Variants in DKK2 observed in about 807,000 individuals in gnomAD.
DKK2 encodes the protein dickkopf Wnt signaling pathway inhibitor 2.
Under a neutral mutation model 28.1 loss-of-function variants are expected in DKK2, and 11 were observed. The observed-to-expected ratio is 0.39, with a 90% CI of 0.25 to 0.65. The LOEUF is 0.65. DKK2 is among the 30% of genes least tolerant of loss of function. DKK2 has a pLI of 0.47. For synonymous variants in DKK2, 135 were observed against 126.5 expected (o/e 1.07, Z -0.45); for missense variants, 326 against 335.5 (o/e 0.97, Z 0.22).
intron 1 of DKK2, among the ~76,000 whole-genome samples, chr4:106,966,013 G>A (rs927007950): frequency 7.9e-5 from 12 of 151,654 alleles, no homozygotes; most frequent in Non-Finnish European, 1.5e-4. Context: ...CATTTGGGTT[G>A]GTTCCAAGTC....
chr4:107,023,434 A>C (rs1191950013), intron 1 of DKK2, among the ~76,000 whole-genome samples: 1 of 152,118 alleles, frequency 6.6e-6, no homozygotes, highest in Non-Finnish European at 1.5e-5. Context: ...ATCCTGGATG[A>C]GACAAAACTA....
chr4:106,927,685 C>G (rs1489214150), intron 1 of DKK2, among the ~76,000 whole-genome samples: 1 of 151,974 alleles, frequency 6.6e-6, no homozygotes, highest in Non-Finnish European at 1.5e-5. Context: ...GAAAACAAAA[C>G]AAATATCCCT....
intron 1 of DKK2, among the ~76,000 whole-genome samples, chr4:106,959,880 T>A (rs190221308): frequency 8.2e-4 from 124 of 152,112 alleles, no homozygotes; most frequent in African/African-American, 2.9e-3. Flanking sequence ...TCAGAGTTTG[T>A]TCAAGATATC....
intron 1 of DKK2, among the ~76,000 whole-genome samples, chr4:106,983,377 A>AAGAAAG: frequency 1.0e-5 from 1 of 98,554 alleles, no homozygotes; most frequent in Non-Finnish European, 2.0e-5. Context: ...AGAAGAAAGA[A>AAGAAAG]AAGAAAGAAA....
Position 107,030,163 on chromosome 4 carries a change from T to C in DKK2, c.222+5207A>G, listed in dbSNP as rs903690090. ...TGCTTTAAAGTTTTCTTTGATTAAA[T>C]TTGCCATTACAAAGAAAAGAACCTA... On this transcript the variant is annotated intron_variant, in intron 1 of 3. Coordinates refer to ENST00000285311, the MANE Select transcript of DKK2 (RefSeq NM_014421.3). 2.0e-5 allele frequency among the ~76,000 whole-genome samples: 3 copies of C among 152,082 alleles called. No individual in the cohort carries two copies. The East Asian group carries it at 5.8e-4, about 29-fold the overall frequency.
At chr4:106,941,076 T>C (rs1033257948) in intron 1 of DKK2, among the ~76,000 whole-genome samples, 4 of 151,808 alleles carry the variant, frequency 2.6e-5, no homozygotes, top group African/African-American at 9.7e-5. Context: ...ACCTGCACAA[T>C]GTGCACATGT....
chr4:107,007,671 G>T (rs958495690), intron 1 of DKK2, among the ~76,000 whole-genome samples: 1 of 152,058 alleles, frequency 6.6e-6, no homozygotes, highest in Admixed American at 6.6e-5. Flanking sequence ...AAGTGCAGTG[G>T]ATATCAGTGT....
Position 106,925,958 on chromosome 4 carries a change from A to G in DKK2, c.223-9T>C, listed in dbSNP as rs1724419070. Reference sequence around the variant, plus strand: ...CTGCTACAAGGGTAGGCCTGTCATCAAGTGGAACAACACCAGAAGTAAAGG... The same window carrying G: ...CTGCTACAAGGGTAGGCCTGTCATCGAGTGGAACAACACCAGAAGTAAAGG... On this transcript the variant is annotated splice_polypyrimidine_tract_variant and intron_variant, in intron 1 of 3. Transcript: ENST00000285311. 1 of 1,596,286 alleles carries G rather than the reference A, an allele frequency of 6.3e-7. No homozygotes were observed. Among genetic ancestry groups the G allele is most frequent in the African/African-American group, 1.4e-5 (1 of 73,596 alleles).
At chr4:106,995,781 T>G (rs1466146185) in intron 1 of DKK2, among the ~76,000 whole-genome samples, 1 of 152,080 alleles carries the variant, frequency 6.6e-6, no homozygotes, top group Non-Finnish European at 1.5e-5. Context: ...CCAGGCTAAT[T>G]TTTGTATTTT....
intron 1 of DKK2, among the ~76,000 whole-genome samples, chr4:106,959,018 A>G (rs933586171): frequency 8.6e-5 from 13 of 152,012 alleles, no homozygotes; most frequent in African/African-American, 3.1e-4. Flanking sequence ...AAGAAAGGTT[A>G]ATATATGAAT....
At chr4:106,994,475 C>T (rs993947215) in intron 1 of DKK2, among the ~76,000 whole-genome samples, 1 of 144,970 alleles carries the variant, frequency 6.9e-6, no homozygotes, top group African/African-American at 2.6e-5. Flanking sequence ...CTCTCTCTCA[C>T]ACACACACAT....
At chr4:106,937,450 C>T in intron 1 of DKK2, among the ~76,000 whole-genome samples, 1 of 126,834 alleles carries the variant, frequency 7.9e-6, no homozygotes, top group Non-Finnish European at 1.6e-5. Flanking sequence ...AATACAGGAG[C>T]ACCAAGATTC....
At chr4:106,965,680 G>C (rs1722768230) in intron 1 of DKK2, among the ~76,000 whole-genome samples, 1 of 149,462 alleles carries the variant, frequency 6.7e-6, no homozygotes, top group African/African-American at 2.5e-5. Context: ...GTGCCATGCT[G>C]GTGCGCTGCA....
chr4:106,980,291 C>T (rs1723009695), intron 1 of DKK2, among the ~76,000 whole-genome samples: 1 of 151,922 alleles, frequency 6.6e-6, no homozygotes. Context: ...TAATTTATAT[C>T]TATAGATATC....
intron 1 of DKK2, among the ~76,000 whole-genome samples, chr4:107,013,844 CA>C (rs1204357246): frequency 6.6e-6 from 1 of 151,114 alleles, no homozygotes; most frequent in South Asian, 2.1e-4. Flanking sequence ...CACTCCCTAG[CA>C]AAAAACAAAT....
At chr4:106,959,458 A>G (rs537847170) in intron 1 of DKK2, among the ~76,000 whole-genome samples, 1 of 152,168 alleles carries the variant, frequency 6.6e-6, no homozygotes, top group South Asian at 2.1e-4. Flanking sequence ...TGGGGAGTCC[A>G]TTTGAGGCAT....
In DKK2 at chr4:106,922,721, A is replaced by G. The variant is rs1724364316; in HGVS notation, c.*1233T>C. On this transcript the variant is annotated 3_prime_UTR_variant, in exon 4 of 4. Transcript: ENST00000285311. ...ATAAAATAAATAATTTGAGGATAGT[A>G]CGGACACAGGACCTCACACTGAATT... The G allele has an allele frequency of 1.3e-5, 2 of 152,166 alleles. No individual in the cohort carries two copies. The highest frequency in any genetic ancestry group is 2.1e-4 in the South Asian group (1 of 4,834). 9.4% of individuals were successfully genotyped at this position (152,166 alleles called of 1,614,324 possible). A position where few individuals can be genotyped will look rare whatever the true frequency, so the allele number is the denominator to read the frequency against.
rs1578354810 is a variant in DKK2 at position 106,952,335 on chromosome 4, C to T, written c.223-26386G>A. On this transcript the variant is annotated intron_variant, in intron 1 of 3. Transcript: ENST00000285311. ...TATATATTAAACTCCAAAAAGTACC[C>T]TCTTGGCTTTAGTTAATTTCCTTAT... Among the ~76,000 whole-genome samples, 5 of 152,192 alleles carry T rather than the reference C, an allele frequency of 3.3e-5. No individual in the cohort carries two copies. The South Asian group carries it at 1.0e-3, about 32-fold the overall frequency.
At chr4:106,996,188 G>GAAT (rs1323989288) in intron 1 of DKK2, among the ~76,000 whole-genome samples, 1 of 152,138 alleles carries the variant, frequency 6.6e-6, no homozygotes, top group Non-Finnish European at 1.5e-5. Flanking sequence ...ATTGTTTAAA[G>GAAT]AATAACATTG....
Sources: gnomAD v4.1 joint callset for allele counts (sites outside exome capture counted in the v4.1 genomes callset) on GRCh38, gnomAD v4.1.1 for gene constraint, MANE v1.5 for transcripts, NCBI Gene and HGNC (gene_info 2026-07-23, HGNC 2026-07-21) for gene names.